Variants in THOC2 observed in about 807,000 individuals in gnomAD.
The protein encoded by THOC2 is THO complex 2.
A neutral mutation model predicts 128.4 loss-of-function variants in THOC2; 10 were observed. The ratio of observed to expected loss-of-function variants is 0.08; its 90% CI spans 0.05 to 0.13. The LOEUF is 0.13. Among genes scored for constraint, THOC2 ranks in the 10% least tolerant of loss-of-function variants. The pLI, the probability that THOC2 is intolerant of heterozygous loss-of-function variation, is 1.00. For synonymous variants in THOC2, 393 were observed against 396.9 expected (o/e 0.99, Z 0.12); for missense variants, 535 against 1,155.7 (o/e 0.46, Z 7.79).
At chrX:123,686,456 G>T in intron 8 of THOC2, 92 bp downstream of exon 8, 2 of 735,757 alleles carry the variant, frequency 2.7e-6, no homozygotes, top group South Asian at 7.3e-5. Flanking sequence ...CCTGAGATGA[G>T]ACCAATCATT....
chrX:123,715,150 C>A (rs145578943), intron 1 of THOC2, among the ~76,000 whole-genome samples: 10 of 107,178 alleles, frequency 9.3e-5, no homozygotes, highest in African/African-American at 3.4e-4. Context: ...AGCACCACCA[C>A]CCCCCCAACA....
At chrX:123,608,415 A>G (rs1317558816) in intron 38 of THOC2, among the ~76,000 whole-genome samples, 4 of 100,612 alleles carry the variant, frequency 4.0e-5, no homozygotes, top group Non-Finnish European at 8.1e-5. Flanking sequence ...CAAACAAACA[A>G]AAAAAAAAAG....
intron 12 of THOC2, among the ~76,000 whole-genome samples, chrX:123,645,763 A>G (rs2048098321): frequency 8.9e-6 from 1 of 112,455 alleles, no homozygotes; most frequent in African/African-American, 3.2e-5. Flanking sequence ...GGAGTTCGAG[A>G]CCAGCCTGGC....
Position 123,732,933 on chromosome X carries a change from C to T in THOC2, c.71+19G>A, listed in dbSNP as rs1302288829. The T allele has an allele frequency of 8.3e-7, 1 of 1,206,997 alleles. No homozygotes were observed. Among genetic ancestry groups the T allele is most frequent in the African/African-American group, 1.7e-5 (1 of 57,161 alleles). On this transcript the variant is annotated intron_variant, in intron 1 of 38. Transcript: ENST00000245838. ...TGGCCCGGCCCGGCAGTGCGCCTGC[C>T]TCCGGCCCGAACACTCACAATTCGC...
At chrX:123,730,925 C>T (rs1370422396) in intron 1 of THOC2, among the ~76,000 whole-genome samples, 1 of 111,357 alleles carries the variant, frequency 9.0e-6, no homozygotes, top group Non-Finnish European at 1.9e-5. Flanking sequence ...GCCTGGGCGA[C>T]AGAGCGAGAC....
chrX:123,652,754 A>G (rs2048412326), intron 12 of THOC2, among the ~76,000 whole-genome samples: 2 of 111,754 alleles, frequency 1.8e-5, no homozygotes, highest in Admixed American at 1.9e-4. Context: ...ACTACAAACT[A>G]CTGCTCAAGG....
intron 8 of THOC2, among the ~76,000 whole-genome samples, chrX:123,684,044 A>C (rs2049903054): frequency 1.9e-5 from 2 of 103,993 alleles, no homozygotes; most frequent in African/African-American, 7.0e-5. Context: ...CGTTGTCTAC[A>C]AAAAAAAAAA....
chrX:123,719,596 C>CA (rs748304953), intron 1 of THOC2, among the ~76,000 whole-genome samples: 140 of 90,842 alleles, frequency 1.5e-3, no homozygotes, highest in Middle Eastern at 6.0e-3. Flanking sequence ...GACCCTGTCT[C>CA]AAAAAAAAAA....
At chrX:123,680,293 T>G (rs2049709541) in intron 8 of THOC2, among the ~76,000 whole-genome samples, 1 of 111,701 alleles carries the variant, frequency 9.0e-6, no homozygotes, top group Admixed American at 9.4e-5. Context: ...TTTAAGGCAT[T>G]GAGATGTTTA....
chrX:123,672,967 T>A (rs2049339606), intron 8 of THOC2, among the ~76,000 whole-genome samples: 1 of 112,693 alleles, frequency 8.9e-6, no homozygotes, highest in Non-Finnish European at 1.9e-5. Context: ...ATGTGCATCA[T>A]TTATAGAAGG....
At position 123,690,769 on chromosome X, in the gene THOC2, C is replaced by T. The variant is rs893509709; in HGVS notation, c.602-4055G>A. On this transcript the variant is annotated intron_variant, in intron 7 of 38. Coordinates refer to ENST00000245838, the MANE Select transcript of THOC2 (RefSeq NM_001081550.2). ...GAGACAAAGAAAATCATGTTTTTAA[C>T]AAAATGAAATGATCTACAATGTAGA... Among the ~76,000 whole-genome samples the T allele has an allele frequency of 1.7e-4, 19 of 111,845 alleles. 1 individual carries two copies. The highest frequency in any genetic ancestry group is 2.8e-4 in the Non-Finnish European group (15 of 53,123).
At chrX:123,649,799 G>C (rs1400770106) in intron 12 of THOC2, among the ~76,000 whole-genome samples, 1 of 111,411 alleles carries the variant, frequency 9.0e-6, no homozygotes, top group Non-Finnish European at 1.9e-5. Context: ...AGAAATATGG[G>C]ACTATGTGAA....
intron 12 of THOC2, among the ~76,000 whole-genome samples, chrX:123,661,535 G>A (rs1046211277): frequency 9.0e-6 from 1 of 111,064 alleles, no homozygotes; most frequent in Non-Finnish European, 1.9e-5. Context: ...TGATTAATAG[G>A]TACAAATATG....
At chrX:123,619,587 AT>A in intron 32 of THOC2, 151 bp from the exon 33 acceptor site, 1 of 523,873 alleles carries the variant, frequency 1.9e-6, no homozygotes, top group Non-Finnish European at 3.1e-6. Context: ...AATATCAACA[AT>A]AAAAAAAAAC....
intron 12 of THOC2, among the ~76,000 whole-genome samples, chrX:123,661,085 T>C (rs747818387): frequency 8.9e-6 from 1 of 112,721 alleles, no homozygotes; most frequent in East Asian, 2.8e-4. Context: ...AAATATCATA[T>C]GTTCTCACTC....
At chrX:123,682,167 C>T (rs767666473) in intron 8 of THOC2, among the ~76,000 whole-genome samples, 1 of 112,664 alleles carries the variant, frequency 8.9e-6, no homozygotes, top group South Asian at 3.6e-4. Context: ...TTTAATATGG[C>T]AACATGTTAA....
chrX:123,640,170 G>C (rs1221408444), intron 16 of THOC2, among the ~76,000 whole-genome samples: 3 of 111,521 alleles, frequency 2.7e-5, no homozygotes, highest in Non-Finnish European at 5.6e-5. Context: ...CTGGGCAATA[G>C]AGCAAGACTT....
At chrX:123,643,048 G>GA (rs2047989065) in intron 15 of THOC2, among the ~76,000 whole-genome samples, 1 of 111,819 alleles carries the variant, frequency 8.9e-6, no homozygotes, top group African/African-American at 3.3e-5. Flanking sequence ...TTATGCTAGG[G>GA]AAGCCTTCAC....
chrX:123,669,672 T>C (rs1220339742), intron 9 of THOC2, among the ~76,000 whole-genome samples: 2 of 111,950 alleles, frequency 1.8e-5, no homozygotes, highest in Non-Finnish European at 3.8e-5. Flanking sequence ...CCAAACTGTT[T>C]CTTCTTATAG....
Sources: gnomAD v4.1 joint callset for allele counts (sites outside exome capture counted in the v4.1 genomes callset) on GRCh38, gnomAD v4.1.1 for gene constraint, MANE v1.5 for transcripts, NCBI Gene and HGNC (gene_info 2026-07-23, HGNC 2026-07-21) for gene names.